Variants in SPTLC2 observed in about 807,000 individuals in gnomAD.
SPTLC2 encodes serine palmitoyltransferase long chain base subunit 2, also known as serine palmitoyltransferase 2.
In SPTLC2, 21 loss-of-function variants were observed where a neutral mutation model predicts 62.0. The observed-to-expected ratio is 0.34, with a 90% CI of 0.24 to 0.49. The LOEUF is 0.49. SPTLC2 is among the 20% of genes least tolerant of loss of function. SPTLC2 has a pLI of 0.99. For synonymous variants in SPTLC2, 261 were observed against 261.8 expected, an observed-to-expected ratio of 1.00 and a Z score of 0.03; for missense variants, 511 against 713.0, an observed-to-expected ratio of 0.72 and a Z score of 3.23.
chr14:77,610,912 T>A (rs963500432), intron 1 of SPTLC2, among the ~76,000 whole-genome samples: 1 of 132,372 alleles, frequency 7.6e-6, no homozygotes, highest in African/African-American at 2.7e-5. Context: ...TCTTTATATA[T>A]ATATATTTTT....
intron 6 of SPTLC2, among the ~76,000 whole-genome samples, chr14:77,558,973 C>T (rs12433742): frequency 0.039 from 5,891 of 152,184 alleles, 165 homozygotes; most frequent in Middle Eastern, 0.092. Flanking sequence ...TTTTAGTTTT[C>T]TCTGTTTATA....
chr14:77,534,165 TTCTC>T (rs34111263), intron 9 of SPTLC2, among the ~76,000 whole-genome samples: 12 of 82,954 alleles, frequency 1.4e-4, no homozygotes, highest in African/African-American at 4.4e-4. Flanking sequence ...CTCTCTCTCT[TTCTC>T]TCTCTCTCTC....
At chr14:77,588,768 A>G (rs2079797420) in intron 2 of SPTLC2, among the ~76,000 whole-genome samples, 1 of 151,864 alleles carries the variant, frequency 6.6e-6, no homozygotes. Flanking sequence ...TAGGAGGCTG[A>G]GGCAGGCGGA....
chr14:77,517,240 T>C (rs1480730264), intron 11 of SPTLC2, among the ~76,000 whole-genome samples: 1 of 151,660 alleles, frequency 6.6e-6, no homozygotes, highest in Non-Finnish European at 1.5e-5. Context: ...CAAAACTCTC[T>C]CTCAAAAAAG....
chr14:77,560,523 G>A (rs748020963), intron 6 of SPTLC2, among the ~76,000 whole-genome samples: 33 of 152,144 alleles, frequency 2.2e-4, no homozygotes, highest in Non-Finnish European at 1.2e-4. Flanking sequence ...GCTGAGATGG[G>A]AGGATCGGTT....
At chr14:77,513,335 A>T (rs768294487) in intron 11 of SPTLC2, among the ~76,000 whole-genome samples, 2 of 152,122 alleles carry the variant, frequency 1.3e-5, no homozygotes, top group South Asian at 2.1e-4. Flanking sequence ...TCATTTTTTT[A>T]AAAAATCAGT....
Position 77,511,761 on chromosome 14 carries a change from G to A in SPTLC2, c.*523C>T, listed in dbSNP as rs561128453. The A allele has an allele frequency of 4.7e-4, 82 of 175,998 alleles. 1 individual carries two copies. The South Asian group carries it at 0.011, about 23-fold the overall frequency. The allele number at this position is 175,998 out of a possible 1,614,324, so 10.9% of individuals were successfully genotyped here. A position where few individuals can be genotyped will look rare whatever the true frequency, so the allele number is the denominator to read the frequency against. On this transcript the variant is annotated 3_prime_UTR_variant, in exon 12 of 12. Coordinates refer to ENST00000216484, the MANE Select transcript of SPTLC2 (RefSeq NM_004863.4). Reference sequence around the variant, plus strand: ...AAGGCTAAACTTAAGATTAAAGGGTGAAAACTTCCGTTGATTACTTGAATG... The same window carrying A: ...AAGGCTAAACTTAAGATTAAAGGGTAAAAACTTCCGTTGATTACTTGAATG...
At chr14:77,540,257 G>T (rs1335649879) in intron 9 of SPTLC2, among the ~76,000 whole-genome samples, 2 of 146,316 alleles carry the variant, frequency 1.4e-5, no homozygotes, top group African/African-American at 2.5e-5. Flanking sequence ...GATATGTTTT[G>T]AAGATCAGAC....
At chr14:77,550,338 G>A (rs2003633) in intron 9 of SPTLC2, among the ~76,000 whole-genome samples, 58,712 of 152,156 alleles carry the variant, frequency 0.39, 13,352 homozygotes, top group East Asian at 0.87. Flanking sequence ...ATTTTGGGAA[G>A]TCAAGGCAGG....
intron 9 of SPTLC2, chr14:77,535,994 T>C (rs1385171169): frequency 2.2e-6 from 1 of 454,290 alleles, no homozygotes; most frequent in African/African-American, 2.0e-5. Context: ...TCATGAATAG[T>C]GATGCCATTA....
At chr14:77,557,175 C>T (rs371884429) in intron 6 of SPTLC2, 29 bp from the exon 7 acceptor site, 66 of 1,558,736 alleles carry the variant, frequency 4.2e-5, no homozygotes, top group Middle Eastern at 3.3e-4. Context: ...AACAGTTATA[C>T]CGCATCTTCC....
intron 11 of SPTLC2, among the ~76,000 whole-genome samples, chr14:77,514,917 C>T (rs957078535): frequency 1.3e-5 from 2 of 152,158 alleles, no homozygotes; most frequent in African/African-American, 4.8e-5. Context: ...TTTGTTTTGG[C>T]TTCTTTCATT....
At chr14:77,521,720 G>T in intron 9 of SPTLC2, 139 bp from the exon 10 acceptor site, 1 of 767,482 alleles carries the variant, frequency 1.3e-6, no homozygotes, top group Non-Finnish European at 2.2e-6. Context: ...ATATTTTACA[G>T]AGTAAACCAT....
Position 77,516,759 on chromosome 14 carries a change from T to A in SPTLC2, c.1569+1279A>T, listed in dbSNP as rs1183307290. Among the ~76,000 whole-genome samples the A allele has an allele frequency of 2.0e-5, 3 of 152,234 alleles. No individual in the cohort carries two copies. The East Asian group carries it at 5.8e-4, about 29-fold the overall frequency. On this transcript the variant is annotated intron_variant, in intron 11 of 11. Coordinates refer to ENST00000216484, the MANE Select transcript of SPTLC2 (RefSeq NM_004863.4). ...ACTGTATTCGACATGGAAAAATTTG[T>A]TAAGAGGACAGATCTCATGTTAAGT... is the stretch of plus-strand genomic sequence containing the variant.
chr14:77,521,919 T>C (rs1050719660), intron 9 of SPTLC2, among the ~76,000 whole-genome samples: 1 of 152,188 alleles, frequency 6.6e-6, no homozygotes, highest in Non-Finnish European at 1.5e-5. Context: ...ATCTTCATAT[T>C]ATAGGTGGGG....
At chr14:77,561,015 T>C (rs189858915) in intron 6 of SPTLC2, among the ~76,000 whole-genome samples, 6 of 60,088 alleles carry the variant, frequency 1.0e-4, no homozygotes, top group African/African-American at 3.2e-4. Context: ...CCCCTGAACC[T>C]AAAATAAAAG....
At chr14:77,538,477 A>C (rs995275264) in intron 9 of SPTLC2, among the ~76,000 whole-genome samples, 1 of 152,256 alleles carries the variant, frequency 6.6e-6, no homozygotes, top group African/African-American at 2.4e-5. Flanking sequence ...GATGTCATAC[A>C]TCAAAGCAGT....
chr14:77,606,981 C>A (rs2079908742), intron 1 of SPTLC2, among the ~76,000 whole-genome samples: 1 of 150,012 alleles, frequency 6.7e-6, no homozygotes, highest in Non-Finnish European at 1.5e-5. Context: ...AGAACAAGAC[C>A]CATCTCAAAA....
At chr14:77,612,689 G>A (rs2079944402) in intron 1 of SPTLC2, among the ~76,000 whole-genome samples, 1 of 152,180 alleles carries the variant, frequency 6.6e-6, no homozygotes, top group African/African-American at 2.4e-5. Flanking sequence ...TCCCTCAGTG[G>A]AAACAAAAGC....
Sources: allele counts gnomAD v4.1 joint callset (sites outside exome capture counted in the v4.1 genomes callset), GRCh38; gene constraint gnomAD v4.1.1; transcripts MANE v1.5; gene names NCBI Gene and HGNC (gene_info 2026-07-23, HGNC 2026-07-21).